The following RABGAP1L variants were observed in gnomAD, a reference collection of about 807,000 sequenced individuals.
RABGAP1L encodes rab GTPase-activating protein 1-like.
Under a neutral mutation model 137.7 loss-of-function variants are expected in RABGAP1L, and 63 were observed. The ratio of observed to expected loss-of-function variants is 0.46; its 90% CI spans 0.37 to 0.56. The LOEUF (loss-of-function observed/expected upper bound fraction) is 0.56, where lower values mean the gene tolerates loss of function less well. Ranked by LOEUF, RABGAP1L falls within the 20% of genes least tolerant of loss-of-function variation. The pLI is 0.00. For missense variants in RABGAP1L, 1,095 were observed against 1,244.0 expected (o/e 0.88, Z 1.80); for synonymous variants, 431 against 433.7 (o/e 0.99, Z 0.08).
At chr1:174,780,095 TA>T (rs1558070393) in intron 18 of RABGAP1L, among the ~76,000 whole-genome samples, 158 of 150,508 alleles carry the variant, frequency 1.0e-3, no homozygotes, top group South Asian at 5.5e-3. Context: ...AATAAATAAA[TA>T]AATAAATAAA....
chr1:174,741,373 G>GT (rs1467941242), intron 17 of RABGAP1L, among the ~76,000 whole-genome samples: 2 of 151,822 alleles, frequency 1.3e-5, no homozygotes, highest in African/African-American at 2.4e-5. Flanking sequence ...TTGTTTTTGT[G>GT]TTTTTTTGAG....
intron 12 of RABGAP1L, among the ~76,000 whole-genome samples, chr1:174,392,541 A>G (rs938221630): frequency 1.3e-5 from 2 of 152,250 alleles, no homozygotes; most frequent in South Asian, 4.1e-4. Flanking sequence ...AAGCTTAGCT[A>G]GAAAAGGCTA....
intron 19 of RABGAP1L, among the ~76,000 whole-genome samples, chr1:174,921,599 A>G (rs1479624957): frequency 6.6e-6 from 1 of 152,228 alleles, no homozygotes; most frequent in African/African-American, 2.4e-5. Context: ...AAAGATCAAG[A>G]TTAATTACAA....
At chr1:174,582,289 A>C (rs1668803656) in intron 13 of RABGAP1L, among the ~76,000 whole-genome samples, 1 of 152,190 alleles carries the variant, frequency 6.6e-6, no homozygotes, top group African/African-American at 2.4e-5. Flanking sequence ...TAGAAAAATA[A>C]AAATAAAAAA....
chr1:174,945,798 A>C (rs1048663133), intron 19 of RABGAP1L: 1 of 152,244 alleles, frequency 6.6e-6, no homozygotes, highest in Non-Finnish European at 1.5e-5. Flanking sequence ...AAAATGTTCC[A>C]TCTAAGCACT....
intron 13 of RABGAP1L, among the ~76,000 whole-genome samples, chr1:174,513,534 G>T (rs993083541): frequency 2.2e-4 from 34 of 152,074 alleles, no homozygotes; most frequent in Non-Finnish European, 1.0e-4. Context: ...GATCACTTGA[G>T]CCCAAGAGGT....
chr1:174,449,643 G>A (rs2040848739), intron 13 of RABGAP1L, among the ~76,000 whole-genome samples: 1 of 152,148 alleles, frequency 6.6e-6, no homozygotes, highest in East Asian at 1.9e-4. Context: ...TATATATGTG[G>A]TAAAGTATAA....
rs189268066 is a variant in RABGAP1L at position 174,986,339 on chromosome 1, C to T, written c.2806-2302C>T. The stretch of plus-strand genomic sequence containing the variant: ...CAAAAGGAGATGCAGGATATAAAGG[C>T]CTCATTCTCCTGGGTGAGCTCTTTC... On this transcript the variant is annotated intron_variant, in intron 24 of 25. Transcript: ENST00000681986. Among the ~76,000 whole-genome samples the T allele has an allele frequency of 1.0e-3, 154 of 152,310 alleles. 1 individual carries two copies. Among genetic ancestry groups the T allele is most frequent in the African/African-American group, 3.6e-3 (150 of 41,576 alleles).
At chr1:174,267,162 A>G (rs1054013436) in intron 7 of RABGAP1L, among the ~76,000 whole-genome samples, 4 of 152,210 alleles carry the variant, frequency 2.6e-5, no homozygotes. Context: ...TAGATGCCAC[A>G]TCAAAAGGAA....
At chr1:174,872,391 C>CT (rs1204545249) in intron 19 of RABGAP1L, among the ~76,000 whole-genome samples, 2 of 152,004 alleles carry the variant, frequency 1.3e-5, no homozygotes, top group African/African-American at 4.8e-5. Flanking sequence ...TTCTGAAAAG[C>CT]TTTCTTCTGA....
At chr1:174,651,243 C>T (rs900070821) in intron 14 of RABGAP1L, among the ~76,000 whole-genome samples, 3 of 151,864 alleles carry the variant, frequency 2.0e-5, no homozygotes, top group African/African-American at 4.8e-5. Flanking sequence ...CTGAGGAGAG[C>T]TTTACTTCCA....
intron 8 of RABGAP1L, among the ~76,000 whole-genome samples, chr1:174,273,676 T>C (rs1454306229): frequency 6.6e-6 from 1 of 152,114 alleles, no homozygotes; most frequent in Non-Finnish European, 1.5e-5. Flanking sequence ...TGAAAACTTT[T>C]AAGATCCTAG....
In RABGAP1L at chr1:174,437,445, G is replaced by A. The variant is rs181507219; in HGVS notation, c.1710+43300G>A. 3.0e-3 allele frequency among the ~76,000 whole-genome samples: 455 copies of A among 152,246 alleles called. 1 individual carries two copies. The highest frequency in any genetic ancestry group is 4.8e-3 in the Non-Finnish European group (329 of 68,026). ...ATGCACGAGCCTCAGTAACCGATTC[G>A]ATCAACTGGAAGAAAGGGTATCAGC... On this transcript the variant is annotated intron_variant, in intron 13 of 25. Transcript: ENST00000681986.
At chr1:174,565,833 C>A (rs1430789474) in intron 13 of RABGAP1L, among the ~76,000 whole-genome samples, 1 of 150,694 alleles carries the variant, frequency 6.6e-6, no homozygotes, top group Non-Finnish European at 1.5e-5. Context: ...CAATTCATTC[C>A]AAAAAATACA....
intron 13 of RABGAP1L, among the ~76,000 whole-genome samples, chr1:174,627,782 T>C (rs931563853): frequency 2.0e-5 from 3 of 152,152 alleles, no homozygotes; most frequent in African/African-American, 7.2e-5. Flanking sequence ...TTTCAGACTT[T>C]ATGACAAACT....
chr1:174,351,066 C>G (rs1299300818), intron 11 of RABGAP1L, among the ~76,000 whole-genome samples: 1 of 18,610 alleles, frequency 5.4e-5, no homozygotes, highest in Non-Finnish European at 1.0e-4. Flanking sequence ...AGAGGGAGAC[C>G]GTGGGGGGAG....
chr1:174,629,430 A>G (rs138694395), intron 13 of RABGAP1L, among the ~76,000 whole-genome samples: 2 of 152,244 alleles, frequency 1.3e-5, no homozygotes, highest in Non-Finnish European at 2.9e-5. Flanking sequence ...GTGAAGTTCT[A>G]GAAATTATTC....
rs114618253 is a variant in RABGAP1L at position 174,754,643 on chromosome 1, A to T, written c.2211+2289A>T. 3.8e-3 allele frequency among the ~76,000 whole-genome samples: 582 copies of T among 152,264 alleles called. 6 individuals are homozygous for T. Among genetic ancestry groups the T allele is most frequent in the African/African-American group, 0.014 (562 of 41,540 alleles). ...CAGCCTCTTGAGGAGCTAGAATTAC[A>T]GGTAGATGCCACCATGCCCAGCTAA... On this transcript the variant is annotated intron_variant, in intron 18 of 25. Coordinates refer to ENST00000681986, the MANE Select transcript of RABGAP1L (RefSeq NM_001366446.1).
At chr1:174,804,875 A>G (rs1215720234) in intron 18 of RABGAP1L, among the ~76,000 whole-genome samples, 4 of 152,266 alleles carry the variant, frequency 2.6e-5, no homozygotes, top group Admixed American at 2.6e-4. Context: ...CTTAAACATT[A>G]AGTTTAAGGA....
Sources: gnomAD v4.1 joint callset for allele counts (sites outside exome capture counted in the v4.1 genomes callset) on GRCh38, gnomAD v4.1.1 for gene constraint, MANE v1.5 for transcripts, NCBI Gene and HGNC (gene_info 2026-07-23, HGNC 2026-07-21) for gene names.